The following GOLIM4 variants were observed in gnomAD, a reference collection of about 807,000 sequenced individuals.
The protein encoded by GOLIM4 is 130 kDa golgi-localized phosphoprotein.
A neutral mutation model predicts 107.4 loss-of-function variants in GOLIM4; 71 were observed. That is an observed-to-expected ratio of 0.66 (90% confidence interval 0.55 to 0.81). The LOEUF (loss-of-function observed/expected upper bound fraction) is 0.81, where lower values mean the gene tolerates loss of function less well. Among genes scored for constraint, GOLIM4 ranks in the 30% least tolerant of loss-of-function variants. The pLI is 0.00. For synonymous variants in GOLIM4, 327 were observed against 294.8 expected, an observed-to-expected ratio of 1.11 and a Z score of -1.12; for missense variants, 830 against 826.1, an observed-to-expected ratio of 1.00 and a Z score of -0.06.
chr3:168,048,264 C>G (rs962965516), intron 2 of GOLIM4, 27 bp downstream of exon 2: 32 of 1,187,208 alleles, frequency 2.7e-5, no homozygotes, highest in Non-Finnish European at 3.7e-5. Context: ...TGGAAAAACA[C>G]AGAACACAAA....
At chr3:168,091,666 G>A (rs1721924533) in intron 1 of GOLIM4, among the ~76,000 whole-genome samples, 1 of 152,182 alleles carries the variant, frequency 6.6e-6, no homozygotes, top group African/African-American at 2.4e-5. Context: ...GAGGGATTCT[G>A]ATAACAGCTA....
Position 168,032,843 on chromosome 3 carries a change from T to A in GOLIM4, c.853A>T (p.Asn285Tyr). The A allele has an allele frequency of 6.2e-7, 1 of 1,610,724 alleles. No individual in the cohort carries two copies. The highest frequency in any genetic ancestry group is 8.5e-7 in the Non-Finnish European group (1 of 1,177,406). The change falls in exon 9 of 16, where the codon AAT (asparagine) becomes TAT (tyrosine). Residue 285 changes from asparagine to tyrosine, a missense_variant. Asn to Tyr is a moderately radical substitution (Grantham distance 143). Coordinates refer to ENST00000470487, the MANE Select transcript of GOLIM4 (RefSeq NM_014498.5). Reference protein sequence around the residue: ...PTREVQEVSRNNDVWQNHEAV... With the variant: ...PTREVQEVSRYNDVWQNHEAV... ...TCATGGTTCTGCCACACATCATTAT[T>A]TCGAGACACCTAGGCCAAGCACATC...
chr3:168,028,010 C>A (rs76360762), intron 11 of GOLIM4, among the ~76,000 whole-genome samples, 173 bp from the exon 12 acceptor site: 5,416 of 152,282 alleles, frequency 0.036, 306 homozygotes, highest in African/African-American at 0.12. Flanking sequence ...GTTCTCTTCA[C>A]AGACTGTGTG....
chr3:168,025,266 ACTC>A (rs1481898971), intron 12 of GOLIM4, among the ~76,000 whole-genome samples, 171 bp from the exon 13 acceptor site: 1 of 152,142 alleles, frequency 6.6e-6, no homozygotes, highest in Non-Finnish European at 1.5e-5. Context: ...AAAAGAGAAA[ACTC>A]CTGCTTTACT....
At chr3:168,080,363 T>G (rs1056700320) in intron 1 of GOLIM4, among the ~76,000 whole-genome samples, 1 of 152,176 alleles carries the variant, frequency 6.6e-6, no homozygotes, top group Non-Finnish European at 1.5e-5. Context: ...ACAATTAAAA[T>G]GAGAGTTGTG....
intron 1 of GOLIM4, among the ~76,000 whole-genome samples, chr3:168,053,265 A>G (rs921771801): frequency 5.3e-5 from 8 of 152,164 alleles, no homozygotes; most frequent in African/African-American, 1.9e-4. Flanking sequence ...AGAAAGCAAC[A>G]CTCCAAAATT....
intron 1 of GOLIM4, among the ~76,000 whole-genome samples, chr3:168,090,363 T>C (rs1247553593): frequency 1.3e-5 from 2 of 150,560 alleles, no homozygotes; most frequent in South Asian, 2.1e-4. Flanking sequence ...GCAGAGGACA[T>C]GAAAAGACAT....
In GOLIM4 at chr3:168,010,111, T is replaced by C. The variant is rs988015833; in HGVS notation, c.*158A>G. On this transcript the variant is annotated 3_prime_UTR_variant, in exon 16 of 16. Transcript: ENST00000470487. ...TCTAGACCTACGTTATCAAAATATA[T>C]TCATATAAATGTATGCGCATTTCTA... is the stretch of plus-strand genomic sequence containing the variant. 5.7e-6 allele frequency: 3 copies of C among 523,476 alleles called. No individual in the cohort carries two copies. Among genetic ancestry groups the C allele is most frequent in the African/African-American group, 3.9e-5 (2 of 50,806 alleles). 32.4% of individuals were successfully genotyped at this position (523,476 alleles called of 1,614,324 possible). A position where few individuals can be genotyped will look rare whatever the true frequency, so the allele number is the denominator to read the frequency against.
rs750808103 is a variant in GOLIM4, at chr3:168,048,280, T to C, written c.262+11A>G. ...GGAAAAACACAGAACACAAATTATG[T>C]ATTTACTTACCTTCCTTTGCTTTTT... On this transcript the variant is annotated intron_variant, in intron 2 of 15. Transcript: ENST00000470487. The C allele has an allele frequency of 2.3e-6, 3 of 1,294,098 alleles. No individual in the cohort carries two copies. 80.2% of individuals were successfully genotyped at this position (1,294,098 alleles called of 1,614,324 possible).
chr3:168,055,526 C>T (rs575392409), intron 1 of GOLIM4, among the ~76,000 whole-genome samples: 12 of 151,896 alleles, frequency 7.9e-5, no homozygotes, highest in Non-Finnish European at 1.2e-4. Context: ...GGGCCGGGCG[C>T]GGTGGCTCAC....
At chr3:168,049,552 C>A (rs1719498865) in intron 1 of GOLIM4, among the ~76,000 whole-genome samples, 1 of 152,134 alleles carries the variant, frequency 6.6e-6, no homozygotes, top group Admixed American at 6.6e-5. Flanking sequence ...GCAGGCTAAG[C>A]CAAACGTGTT....
intron 7 of GOLIM4, among the ~76,000 whole-genome samples, chr3:168,039,860 C>G (rs1467797189): frequency 6.6e-6 from 1 of 152,124 alleles, no homozygotes; most frequent in Non-Finnish European, 1.5e-5. Context: ...TAAAAAATCA[C>G]TACACAGCTA....
intron 1 of GOLIM4, among the ~76,000 whole-genome samples, chr3:168,078,859 G>A (rs1244925429): frequency 1.3e-5 from 2 of 152,138 alleles, no homozygotes; most frequent in Admixed American, 6.6e-5. Context: ...CAGCTTATAC[G>A]TCTAAGCAGT....
chr3:168,039,567 A>AT (rs1314226299), intron 7 of GOLIM4, among the ~76,000 whole-genome samples: 3 of 151,576 alleles, frequency 2.0e-5, no homozygotes, highest in African/African-American at 4.9e-5. Flanking sequence ...CCCGGCCAAA[A>AT]TTTTTTTTTC....
intron 14 of GOLIM4, among the ~76,000 whole-genome samples, chr3:168,023,299 C>T (rs1717814289): frequency 6.6e-6 from 1 of 152,158 alleles, no homozygotes; most frequent in African/African-American, 2.4e-5. Flanking sequence ...ATTTTCTCTG[C>T]TGCTCTCTTT....
chr3:168,050,822 T>TATAATAATA (rs140084468), intron 1 of GOLIM4, among the ~76,000 whole-genome samples: 3,063 of 136,264 alleles, frequency 0.022, 60 homozygotes, highest in African/African-American at 0.049. Context: ...TAGCAACACC[T>TATAATAATA]ATAATAATAA....
intron 1 of GOLIM4, among the ~76,000 whole-genome samples, chr3:168,081,968 T>C (rs756239881): frequency 8.5e-5 from 13 of 152,048 alleles, no homozygotes; most frequent in Non-Finnish European, 1.8e-4. Context: ...GACTACTCCA[T>C]TACAAACTCT....
At chr3:168,056,921 T>C (rs1720004763) in intron 1 of GOLIM4, among the ~76,000 whole-genome samples, 1 of 152,156 alleles carries the variant, frequency 6.6e-6, no homozygotes, top group South Asian at 2.1e-4. Flanking sequence ...TGGGGGACTG[T>C]CGGGAAAGCA....
intron 11 of GOLIM4, 72 bp from the exon 12 acceptor site, chr3:168,027,909 G>GT: frequency 2.1e-6 from 2 of 949,448 alleles, no homozygotes; most frequent in Non-Finnish European, 3.4e-6. Flanking sequence ...TCAAAGAAAA[G>GT]CCACCAGTGG....
Sources: allele counts gnomAD v4.1 joint callset (sites outside exome capture counted in the v4.1 genomes callset), GRCh38; gene constraint gnomAD v4.1.1; transcripts MANE v1.5; gene names NCBI Gene and HGNC (gene_info 2026-07-23, HGNC 2026-07-21).